Variants in IKZF1 observed in about 807,000 individuals in gnomAD.
IKZF1 encodes the protein DNA-binding protein Ikaros.
A neutral mutation model predicts 51.7 loss-of-function variants in IKZF1; 10 were observed. That is an observed-to-expected ratio of 0.19 (90% CI 0.12 to 0.33). The LOEUF is 0.33. Ranked by LOEUF, IKZF1 falls within the 10% of genes least tolerant of loss-of-function variation. IKZF1 has a pLI of 1.00. For synonymous variants in IKZF1, 280 were observed against 282.3 expected (o/e 0.99, Z 0.08); for missense variants, 484 against 707.5 (o/e 0.68, Z 3.58).
chr7:50,375,629 A>C (rs1810010744), intron 3 of IKZF1, among the ~76,000 whole-genome samples: 1 of 151,984 alleles, frequency 6.6e-6, no homozygotes, highest in Admixed American at 6.6e-5. Flanking sequence ...TTACCTTGTG[A>C]TGTGTGACTT....
At chr7:50,327,428 C>T (rs896655273) in intron 2 of IKZF1, 3 of 436,280 alleles carry the variant, frequency 6.9e-6, no homozygotes, top group African/African-American at 4.0e-5. Flanking sequence ...GTATTTCTTC[C>T]CTTTTGCACA....
Position 50,400,317 on chromosome 7 carries a change from A to G in IKZF1, c.1250A>G (p.His417Arg). 1 of 1,612,832 alleles carries G rather than the reference A, an allele frequency of 6.2e-7. No individual in the cohort carries two copies. The highest frequency in any genetic ancestry group is 8.5e-7 in the Non-Finnish European group (1 of 1,179,694). ...QRSGLIYLTN[H>R]IAPHARNGLS... Reference sequence around the variant, plus strand: ...AGCGGTCTCATCTACCTGACCAACCACATCGCCCCGCACGCGCGCAACGGG... The same window carrying G: ...AGCGGTCTCATCTACCTGACCAACCGCATCGCCCCGCACGCGCGCAACGGG... Residue 417 changes from histidine to arginine, a missense_variant, in exon 8 of 8, where the codon CAC (histidine) becomes CGC (arginine). His to Arg is a conservative substitution (Grantham distance 29). This residue lies in a region of IKZF1 where 72 missense variants were observed against 67.5 expected (regional missense o/e 1.07). Transcript: ENST00000331340. The surrounding 1 kb of genome is among the most constrained non-coding windows in gnomAD (Gnocchi z 5.4).
intron 7 of IKZF1, among the ~76,000 whole-genome samples, chr7:50,397,674 G>A (rs972670603): frequency 6.6e-6 from 1 of 152,214 alleles, no homozygotes; most frequent in Non-Finnish European, 1.5e-5. Flanking sequence ...TGGAGTTAGT[G>A]TAACAAGACA....
intron 6 of IKZF1, among the ~76,000 whole-genome samples, chr7:50,388,791 A>C (rs914083153): frequency 6.6e-6 from 1 of 152,252 alleles, no homozygotes; most frequent in African/African-American, 2.4e-5. Flanking sequence ...AAATGTCAAC[A>C]TTCAAATATT....
intron 5 of IKZF1, among the ~76,000 whole-genome samples, chr7:50,385,514 T>C (rs1430888454): frequency 6.6e-6 from 1 of 152,244 alleles, no homozygotes; most frequent in Non-Finnish European, 1.5e-5. Flanking sequence ...TCTCCCTTCC[T>C]GCCTCATGGC....
At chr7:50,340,440 T>C (rs2153414876) in intron 3 of IKZF1, among the ~76,000 whole-genome samples, 1 of 152,316 alleles carries the variant, frequency 6.6e-6, no homozygotes, top group African/African-American at 2.4e-5. Context: ...AGGCTGGGTG[T>C]GATCGATGGA....
chr7:50,399,871 G>A lies in IKZF1; in HGVS notation c.851-47G>A. ...CAGCTGTTGCTGCCAGACCTGACCG[G>A]TTCCGGAGGTGGCCGCGCCCCACTC... On this transcript the variant is annotated intron_variant, in intron 7 of 7. Transcript: ENST00000331340. 4 of 1,567,508 alleles carry A rather than the reference G, an allele frequency of 2.6e-6. No homozygotes were observed. In the South Asian group the frequency reaches 3.5e-5, roughly 14 times the overall value.
chr7:50,339,536 G>A (rs1483077500), intron 3 of IKZF1, among the ~76,000 whole-genome samples: 2 of 152,044 alleles, frequency 1.3e-5, no homozygotes, highest in African/African-American at 4.8e-5. Context: ...AGATCATGAG[G>A]TCAGGAGTTT....
intron 4 of IKZF1, among the ~76,000 whole-genome samples, chr7:50,378,199 A>G (rs112368367): frequency 0.062 from 9,429 of 152,280 alleles, 482 homozygotes; most frequent in South Asian, 0.092. Context: ...TGTATCTGAA[A>G]ACCTATAAAA....
At chr7:50,399,830 C>A in intron 7 of IKZF1, 88 bp from the exon 8 acceptor site, 1 of 1,505,590 alleles carries the variant, frequency 6.6e-7, no homozygotes, top group Non-Finnish European at 8.8e-7. Flanking sequence ...CCCTTCCCCT[C>A]CCCGGTTGTA....
At chr7:50,363,024 T>G (rs1024056406) in intron 3 of IKZF1, among the ~76,000 whole-genome samples, 8 of 152,034 alleles carry the variant, frequency 5.3e-5, no homozygotes, top group African/African-American at 1.9e-4. Flanking sequence ...TCCAAAGACC[T>G]CAGACATAAT....
At chr7:50,308,779 C>G (rs1437171748) in intron 1 of IKZF1, 1 of 152,380 alleles carries the variant, frequency 6.6e-6, no homozygotes, top group Non-Finnish European at 1.5e-5. Context: ...GGCCCTGTAG[C>G]CAGGCACCAA....
chr7:50,346,618 T>C (rs1051462994), intron 3 of IKZF1, among the ~76,000 whole-genome samples: 1 of 152,146 alleles, frequency 6.6e-6, no homozygotes, highest in African/African-American at 2.4e-5. Flanking sequence ...TCCTAGAACA[T>C]TGCACCCAAA....
At chr7:50,350,701 C>T (rs1285471029) in intron 3 of IKZF1, among the ~76,000 whole-genome samples, 2 of 152,194 alleles carry the variant, frequency 1.3e-5, no homozygotes, top group African/African-American at 4.8e-5. Flanking sequence ...TGTTAGATTT[C>T]CCATCATTTC....
chr7:50,323,743 G>A (rs1794065259), intron 2 of IKZF1, among the ~76,000 whole-genome samples: 1 of 152,144 alleles, frequency 6.6e-6, no homozygotes, highest in Non-Finnish European at 1.5e-5. Flanking sequence ...ATGTTCTTAG[G>A]AAAAGTGTGG....
intron 1 of IKZF1, 67 bp downstream of exon 1, chr7:50,304,989 AAC>A (rs1562694361): frequency 6.6e-6 from 1 of 152,592 alleles, no homozygotes; most frequent in African/African-American, 2.4e-5. Flanking sequence ...AAAAAAAAAA[AAC>A]ACAGTAAAGA....
At chr7:50,386,065 A>G (rs1376767508) in intron 5 of IKZF1, among the ~76,000 whole-genome samples, 1 of 152,252 alleles carries the variant, frequency 6.6e-6, no homozygotes, top group African/African-American at 2.4e-5. Context: ...AATGTGTTCA[A>G]TAAAACAACA....
rs1369056923 is a variant in IKZF1, at chr7:50,374,606, T to A, written c.161-1927T>A. ...ATTAATGTGCTGTGTGCCCAGCGTGTGGTATTGGGGTTAGGTGAAAGACTG... is the reference window on the plus strand; with the variant it reads ...ATTAATGTGCTGTGTGCCCAGCGTGAGGTATTGGGGTTAGGTGAAAGACTG... On this transcript the variant is annotated intron_variant, in intron 3 of 7. Transcript: ENST00000331340. Among the ~76,000 whole-genome samples the A allele has an allele frequency of 3.3e-5, 5 of 152,208 alleles. 1 individual carries two copies. Among genetic ancestry groups the A allele is most frequent in the Admixed American group, 1.3e-4 (2 of 15,290 alleles).
Position 50,404,521 on chromosome 7 carries a change from G to T in IKZF1, c.*3894G>T, listed in dbSNP as rs1363045651. On this transcript the variant is annotated 3_prime_UTR_variant, in exon 8 of 8. Coordinates refer to ENST00000331340, the MANE Select transcript of IKZF1 (RefSeq NM_006060.6). Reference sequence around the variant, plus strand: ...ATCTGCCTAGACTTTCTCCCAATGAGATCCCAATATGAGAGGGAGAAGAGA... The same window carrying T: ...ATCTGCCTAGACTTTCTCCCAATGATATCCCAATATGAGAGGGAGAAGAGA... The T allele has an allele frequency of 4.4e-6, 1 of 229,532 alleles. No homozygotes were observed. Among genetic ancestry groups the T allele is most frequent in the East Asian group, 6.2e-5 (1 of 16,222 alleles). The allele number at this position is 229,532 out of a possible 1,614,324, so 14.2% of individuals were successfully genotyped here. A position where few individuals can be genotyped will look rare whatever the true frequency, so the allele number is the denominator to read the frequency against.
Sources: allele counts gnomAD v4.1 joint callset (sites outside exome capture counted in the v4.1 genomes callset), GRCh38; gene constraint gnomAD v4.1.1; regional missense constraint gnomAD v4.1.1; non-coding constraint Gnocchi (gnomAD v3.1); transcripts MANE v1.5; gene names NCBI Gene and HGNC (gene_info 2026-07-23, HGNC 2026-07-21).